The following DNAJB6 variants were observed in gnomAD, a reference collection of about 807,000 sequenced individuals.
The protein encoded by DNAJB6 is DnaJ heat shock protein family (Hsp40) member B6.
Under a neutral mutation model 42.7 loss-of-function variants are expected in DNAJB6, and 16 were observed. The ratio of observed to expected loss-of-function variants is 0.37; its 90% CI spans 0.25 to 0.57. The LOEUF (loss-of-function observed/expected upper bound fraction) is 0.57, where lower values mean the gene tolerates loss of function less well. DNAJB6 is among the 20% of genes least tolerant of loss of function. The pLI is 0.74. For synonymous variants in DNAJB6, 170 were observed against 163.5 expected (o/e 1.04, Z -0.30); for missense variants, 347 against 416.8 (o/e 0.83, Z 1.46).
chr7:157,377,695 T>C (rs1319717743), intron 5 of DNAJB6, among the ~76,000 whole-genome samples: 1 of 152,220 alleles, frequency 6.6e-6, no homozygotes, highest in East Asian at 1.9e-4. Context: ...ACCAGTCTCC[T>C]GATCCAAATG....
chr7:157,369,805 T>C (rs1307497299), intron 5 of DNAJB6, among the ~76,000 whole-genome samples: 1 of 150,906 alleles, frequency 6.6e-6, no homozygotes, highest in Non-Finnish European at 1.5e-5. Context: ...AACGAGCCCC[T>C]TCTTAACATC....
At chr7:157,341,006 G>A (rs1198926692) in intron 1 of DNAJB6, among the ~76,000 whole-genome samples, 1 of 142,582 alleles carries the variant, frequency 7.0e-6, no homozygotes, top group Non-Finnish European at 1.6e-5. Flanking sequence ...GTGCGCGCGC[G>A]CAGGTGGAAT....
intron 1 of DNAJB6, among the ~76,000 whole-genome samples, chr7:157,350,430 T>G (rs1798910486): frequency 6.6e-6 from 1 of 152,166 alleles, no homozygotes; most frequent in Non-Finnish European, 1.5e-5. Flanking sequence ...GGGTGAAAAT[T>G]CCTTGGAGAC....
intron 8 of DNAJB6, among the ~76,000 whole-genome samples, chr7:157,392,820 T>A (rs1376518032): frequency 6.6e-6 from 1 of 152,206 alleles, no homozygotes; most frequent in Non-Finnish European, 1.5e-5. Context: ...TGTCTTAATA[T>A]GTAGGTGTGC....
At chr7:157,340,090 A>G (rs1295506949) in intron 1 of DNAJB6, 1 of 152,226 alleles carries the variant, frequency 6.6e-6, no homozygotes, top group Non-Finnish European at 1.5e-5. Context: ...GCTTACAGAT[A>G]TCTGTTGAGG....
chr7:157,346,067 A>G (rs1281128080), intron 1 of DNAJB6, among the ~76,000 whole-genome samples: 4 of 151,834 alleles, frequency 2.6e-5, no homozygotes, highest in Non-Finnish European at 5.9e-5. Flanking sequence ...TGTTTTCTGT[A>G]ATGTGCATTG....
At chr7:157,383,883 C>G (rs953275754) in intron 6 of DNAJB6, among the ~76,000 whole-genome samples, 1 of 152,052 alleles carries the variant, frequency 6.6e-6, no homozygotes, top group African/African-American at 2.4e-5. Flanking sequence ...TTTTGTATTT[C>G]CAATTGAAAT....
rs978261469 is a variant in DNAJB6 at position 157,337,060 on chromosome 7, C to G, written c.-111C>G. On this transcript the variant is annotated 5_prime_UTR_variant, in exon 1 of 10. Coordinates refer to ENST00000262177, the MANE Select transcript of DNAJB6 (RefSeq NM_058246.4). ...AAGCGCGAGGAGCCGCCGCCACCAC[C>G]AGCGCAGCAGTCCTGGAGCTGTGAG... 2 of 152,482 alleles carry G rather than the reference C, an allele frequency of 1.3e-5. No individual in the cohort carries two copies. The highest frequency in any genetic ancestry group is 2.9e-5 in the Non-Finnish European group (2 of 68,260). The allele number at this position is 152,482 out of a possible 1,614,324, so 9.4% of individuals were successfully genotyped here.
intron 1 of DNAJB6, among the ~76,000 whole-genome samples, chr7:157,356,601 A>G (rs1799290481): frequency 6.6e-6 from 1 of 152,218 alleles, no homozygotes; most frequent in Non-Finnish European, 1.5e-5. Context: ...ATTATTTCCA[A>G]ATGGAGTGGA....
intron 9 of DNAJB6, among the ~76,000 whole-genome samples, chr7:157,415,758 C>T (rs1040652839): frequency 5.3e-5 from 8 of 152,158 alleles, no homozygotes; most frequent in African/African-American, 1.9e-4. Flanking sequence ...GGGCTTTTAG[C>T]TCTGCCGCTG....
intron 8 of DNAJB6, among the ~76,000 whole-genome samples, chr7:157,407,134 C>T (rs1160222705): frequency 6.6e-6 from 1 of 152,246 alleles, no homozygotes; most frequent in East Asian, 1.9e-4. Flanking sequence ...GCTGGAAGTG[C>T]AGAATTTCAA....
chr7:157,413,185 G>C (rs1363605808), intron 9 of DNAJB6: 4 of 152,198 alleles, frequency 2.6e-5, no homozygotes, highest in African/African-American at 4.8e-5. Flanking sequence ...CCTCACTCAG[G>C]CTTTGGAAAG....
At chr7:157,409,222 G>GCCGGC (rs1414291189) in intron 8 of DNAJB6, among the ~76,000 whole-genome samples, 1 of 152,184 alleles carries the variant, frequency 6.6e-6, no homozygotes, top group African/African-American at 2.4e-5. Flanking sequence ...GCGTTGAGAA[G>GCCGGC]CCGGCCCGTC....
chr7:157,345,837 G>T (rs1798656093), intron 1 of DNAJB6, among the ~76,000 whole-genome samples: 1 of 152,158 alleles, frequency 6.6e-6, no homozygotes, highest in Non-Finnish European at 1.5e-5. Context: ...TGCTTGTAGA[G>T]CTCTGATGTG....
intron 2 of DNAJB6, among the ~76,000 whole-genome samples, chr7:157,359,430 C>A (rs908114230): frequency 2.6e-5 from 4 of 152,174 alleles, no homozygotes; most frequent in Non-Finnish European, 4.4e-5. Flanking sequence ...TCAGGCTGGT[C>A]TCAAACTCCT....
At chr7:157,337,666 C>G (rs188710526) in intron 1 of DNAJB6, 1 of 152,242 alleles carries the variant, frequency 6.6e-6, no homozygotes, top group Non-Finnish European at 1.5e-5. Flanking sequence ...GAACTCCGGA[C>G]GGATTGTTCA....
Position 157,367,800 on chromosome 7 carries a change from G to A in DNAJB6, c.346+317G>A, listed in dbSNP as rs1168704047. 3.3e-5 allele frequency among the ~76,000 whole-genome samples: 5 copies of A among 152,122 alleles called. No homozygotes were observed. The South Asian group carries it at 8.3e-4, about 25-fold the overall frequency. On this transcript the variant is annotated intron_variant, in intron 5 of 9. Transcript: ENST00000262177. ...CTTGAACCCGGGAGGCAGAGGTTGC[G>A]GTGAACTGAGATCATGCCATTGCAT...
chr7:157,393,510 T>C (rs1232036507), intron 8 of DNAJB6, among the ~76,000 whole-genome samples: 1 of 152,096 alleles, frequency 6.6e-6, no homozygotes, highest in Non-Finnish European at 1.5e-5. Context: ...TGTACCTTGA[T>C]TTTACTTTGG....
intron 8 of DNAJB6, among the ~76,000 whole-genome samples, chr7:157,408,973 C>T (rs1185580221): frequency 6.6e-6 from 1 of 152,236 alleles, no homozygotes; most frequent in African/African-American, 2.4e-5. Context: ...AGGAATCCCA[C>T]CACCTGCGGC....
Sources: allele counts gnomAD v4.1 joint callset (sites outside exome capture counted in the v4.1 genomes callset), GRCh38; gene constraint gnomAD v4.1.1; transcripts MANE v1.5; gene names NCBI Gene and HGNC (gene_info 2026-07-23, HGNC 2026-07-21).